OLFM3: variants seen among roughly 807,000 people sequenced by gnomAD.
OLFM3 encodes olfactomedin 3.
Under a neutral mutation model 48.6 loss-of-function variants are expected in OLFM3, and 20 were observed. The ratio of observed to expected loss-of-function variants is 0.41; its 90% CI spans 0.29 to 0.60. The LOEUF is 0.60. Ranked by LOEUF, OLFM3 falls within the 20% of genes least tolerant of loss-of-function variation. OLFM3 has a pLI of 0.28. For missense variants in OLFM3, 437 were observed against 544.3 expected (o/e 0.80, Z 1.96); for synonymous variants, 222 against 198.1 (o/e 1.12, Z -1.01).
intron 1 of OLFM3, among the ~76,000 whole-genome samples, chr1:101,937,959 T>A (rs930351768): frequency 1.3e-5 from 2 of 152,232 alleles, no homozygotes; most frequent in Non-Finnish European, 2.9e-5. Context: ...GGGCAGGATT[T>A]TATGAGCTCT....
intron 1 of OLFM3, among the ~76,000 whole-genome samples, chr1:101,889,873 C>A (rs964507098): frequency 1.3e-5 from 2 of 151,902 alleles, no homozygotes; most frequent in African/African-American, 2.4e-5. Flanking sequence ...TTTCTCATAT[C>A]ATTTGAACCT....
chr1:101,925,659 C>T (rs1037020252), intron 1 of OLFM3, among the ~76,000 whole-genome samples: 8 of 151,984 alleles, frequency 5.3e-5, no homozygotes, highest in African/African-American at 1.7e-4. Flanking sequence ...GCTAGGACTA[C>T]AGGAACGTGT....
intron 1 of OLFM3, among the ~76,000 whole-genome samples, chr1:101,938,582 T>G (rs1659693306): frequency 6.6e-6 from 1 of 152,218 alleles, no homozygotes; most frequent in Admixed American, 6.5e-5. Flanking sequence ...TCTCTTAAAG[T>G]TATGCACATC....
At chr1:101,976,561 G>T (rs530502114) in intron 1 of OLFM3, among the ~76,000 whole-genome samples, 1 of 152,114 alleles carries the variant, frequency 6.6e-6, no homozygotes, top group Admixed American at 6.5e-5. Flanking sequence ...TTTAGATACC[G>T]ACAGAAACTA....
intron 3 of OLFM3, among the ~76,000 whole-genome samples, chr1:101,826,268 G>A (rs1305103521): frequency 3.3e-5 from 5 of 151,756 alleles, no homozygotes; most frequent in Non-Finnish European, 7.4e-5. Context: ...ACATGTCACC[G>A]TTACTTCTTT....
In OLFM3 at chr1:101,878,846, G is replaced by C. The variant is rs182825987; in HGVS notation, c.70-41821C>G. On this transcript the variant is annotated intron_variant, in intron 1 of 5. Transcript: ENST00000370103. ...CGCAGTTCAGATCAGCTATAGTTCA[G>C]TTGGCAGAGAGCAGTTATAGAAATA... 3.6e-3 allele frequency among the ~76,000 whole-genome samples: 549 copies of C among 152,078 alleles called. 4 individuals are homozygous for C. The highest frequency in any genetic ancestry group is 0.02 in the Middle Eastern group (6 of 294).
At chr1:101,932,880 C>G (rs1170246001) in intron 1 of OLFM3, among the ~76,000 whole-genome samples, 1 of 151,882 alleles carries the variant, frequency 6.6e-6, no homozygotes, top group East Asian at 1.9e-4. Flanking sequence ...AAGTCAAAAC[C>G]CAATCCAAGG....
At chr1:101,923,785 G>A (rs553858199) in intron 1 of OLFM3, among the ~76,000 whole-genome samples, 2 of 152,128 alleles carry the variant, frequency 1.3e-5, no homozygotes, top group South Asian at 4.2e-4. Flanking sequence ...GACAGTTACA[G>A]TTACAGTGGT....
chr1:101,870,280 T>C (rs1235882943), intron 1 of OLFM3, among the ~76,000 whole-genome samples: 1 of 152,174 alleles, frequency 6.6e-6, no homozygotes, highest in African/African-American at 2.4e-5. Context: ...TTCATTACCT[T>C]AAAATTTTTC....
intron 2 of OLFM3, among the ~76,000 whole-genome samples, chr1:101,831,082 TAATAC>T (rs1655127993): frequency 6.6e-6 from 1 of 152,214 alleles, no homozygotes; most frequent in African/African-American, 2.4e-5. Context: ...TAAATGGGCT[TAATAC>T]ATTAGAAAAA....
chr1:101,853,749 T>C (rs936271075), intron 1 of OLFM3, among the ~76,000 whole-genome samples: 9 of 152,116 alleles, frequency 5.9e-5, no homozygotes, highest in African/African-American at 1.9e-4. Context: ...TATTCCAGTA[T>C]TGTGTTTTGC....
intron 3 of OLFM3, among the ~76,000 whole-genome samples, chr1:101,826,996 T>C (rs1363144251): frequency 6.6e-6 from 1 of 152,196 alleles, no homozygotes; most frequent in African/African-American, 2.4e-5. Flanking sequence ...AATTCATAAT[T>C]TGATTATTAG....
chr1:101,878,081 C>T (rs1198791600), intron 1 of OLFM3, among the ~76,000 whole-genome samples: 3 of 151,744 alleles, frequency 2.0e-5, no homozygotes, highest in African/African-American at 7.3e-5. Flanking sequence ...AGAAGATACA[C>T]CTGGGCACTA....
rs144999260 is a variant in OLFM3, at chr1:101,929,953, A to G, written c.69+66795T>C. On this transcript the variant is annotated intron_variant, in intron 1 of 5. Transcript: ENST00000370103. ...AATTCTATAAAAATTATGGTCCAATATAGAATATAGACTATAGAGGAAAAG... is the reference window on the plus strand; with the variant it reads ...AATTCTATAAAAATTATGGTCCAATGTAGAATATAGACTATAGAGGAAAAG... Among the ~76,000 whole-genome samples, 848 of 152,196 alleles carry G rather than the reference A, an allele frequency of 5.6e-3. 13 individuals carry two copies. Among genetic ancestry groups the G allele is most frequent in the African/African-American group, 0.02 (824 of 41,540 alleles).
At position 101,905,565 on chromosome 1, in the gene OLFM3, A is replaced by G. The variant is rs939526395; in HGVS notation, c.70-68540T>C. Among the ~76,000 whole-genome samples, 3 of 152,254 alleles carry G rather than the reference A, an allele frequency of 2.0e-5. No individual in the cohort carries two copies. The East Asian group carries it at 5.8e-4, about 29-fold the overall frequency. On this transcript the variant is annotated intron_variant, in intron 1 of 5. Transcript: ENST00000370103. ...TCCACTGTAAATTTAAGGAAGTTGT[A>G]AAGTAAATTTCTCAGTGGGGAGTGC... is the stretch of plus-strand genomic sequence containing the variant.
chr1:101,891,822 T>A (rs943145579), intron 1 of OLFM3, among the ~76,000 whole-genome samples: 1 of 152,024 alleles, frequency 6.6e-6, no homozygotes, highest in African/African-American at 2.4e-5. Flanking sequence ...TTATTTACCA[T>A]GAAAATCATA....
At chr1:101,830,137 C>T (rs560605192) in intron 3 of OLFM3, among the ~76,000 whole-genome samples, 13 of 152,216 alleles carry the variant, frequency 8.5e-5, no homozygotes, top group East Asian at 1.9e-4. Context: ...CACGCCCGGC[C>T]GAGTTTTTTC....
chr1:101,993,688 C>T (rs941373787), intron 1 of OLFM3, among the ~76,000 whole-genome samples: 2 of 151,986 alleles, frequency 1.3e-5, no homozygotes, highest in Non-Finnish European at 2.9e-5. Context: ...TCATCTGTCC[C>T]TATAAAAATA....
intron 1 of OLFM3, among the ~76,000 whole-genome samples, chr1:101,914,050 GA>G (rs1658847304): frequency 3.3e-5 from 5 of 152,086 alleles, no homozygotes; most frequent in Admixed American, 2.0e-4. Flanking sequence ...CTTTCATAAA[GA>G]ATTTTAATTA....
Sources: gnomAD v4.1 joint callset for allele counts (sites outside exome capture counted in the v4.1 genomes callset) on GRCh38, gnomAD v4.1.1 for gene constraint, MANE v1.5 for transcripts, NCBI Gene and HGNC (gene_info 2026-07-23, HGNC 2026-07-21) for gene names.